The following RACGAP1 variants were observed in gnomAD, a reference collection of about 807,000 sequenced individuals.
The protein encoded by RACGAP1 is Rac GTPase activating protein 1, also known as rac GTPase-activating protein 1.
RACGAP1 carries 30 observed loss-of-function variants against 78.1 expected under a neutral mutation model. The observed-to-expected ratio is 0.38, with a 90% confidence interval of 0.29 to 0.52. RACGAP1 has a LOEUF of 0.52. RACGAP1 is among the 20% of genes least tolerant of loss of function. The pLI, the probability that RACGAP1 is intolerant of heterozygous loss-of-function variation, is 0.82. For missense variants in RACGAP1, 587 were observed against 777.1 expected (o/e 0.76, Z 2.91); for synonymous variants, 231 against 264.8 (o/e 0.87, Z 1.24).
rs1344687920 is a variant in RACGAP1 at position 49,999,244 on chromosome 12, G to A, written c.776C>T (p.Ser259Phe). ...TGTLQPWNSD[S>F]TLNSRQLEPR... The stretch of plus-strand genomic sequence containing the variant: ...CTCCAGCTGCCTGCTGTTCAGGGTG[G>A]AGTCACTGTTCCAAGGTTGTAAAGT... The change falls in exon 9 of 17, where the codon TCC becomes TTC. Residue 259 changes from serine (S) to phenylalanine (F), a missense_variant. Coordinates refer to ENST00000312377, the MANE Select transcript of RACGAP1 (RefSeq NM_001319999.2). 6.2e-7 allele frequency: 1 copy of A among 1,613,962 alleles called. No individual in the cohort carries two copies. The highest frequency in any genetic ancestry group is 8.5e-7 in the Non-Finnish European group (1 of 1,179,986).
At chr12:50,032,880 C>T (rs1334214948) in intron 1 of RACGAP1, 2 of 152,216 alleles carry the variant, frequency 1.3e-5, no homozygotes, top group Non-Finnish European at 2.9e-5. Flanking sequence ...CCCACGCGCT[C>T]CCCCGCGCCC....
At chr12:49,996,668 A>AAAAAAAAAAAAT (rs1948302735) in intron 10 of RACGAP1, among the ~76,000 whole-genome samples, 6 of 129,286 alleles carry the variant, frequency 4.6e-5, no homozygotes, top group African/African-American at 2.3e-4. Flanking sequence ...AAAAAAAAAA[A>AAAAAAAAAAAAT]TGGACACAAG....
chr12:50,011,908 C>G (rs1402647399), intron 2 of RACGAP1, among the ~76,000 whole-genome samples: 11 of 138,690 alleles, frequency 7.9e-5, no homozygotes, highest in Non-Finnish European at 1.5e-4. Context: ...GAGCCGAGAT[C>G]GTGCCACTGT....
intron 6 of RACGAP1, among the ~76,000 whole-genome samples, chr12:50,001,599 C>T (rs895092514): frequency 1.3e-5 from 2 of 152,212 alleles, no homozygotes; most frequent in Non-Finnish European, 2.9e-5. Context: ...ACAGATAGAT[C>T]TCTATATATC....
rs1026686504 is a variant in RACGAP1 at position 50,005,127 on chromosome 12, C to T, written c.425+129G>A. The T allele has an allele frequency of 4.4e-6, 6 of 1,359,334 alleles. No individual in the cohort carries two copies. The Admixed American group carries it at 1.3e-4, about 29-fold the overall frequency. 84.2% of individuals were successfully genotyped at this position (1,359,334 alleles called of 1,614,324 possible). Reference sequence around the variant, plus strand: ...GTGCCTTTATTCCCCACCTACTCTCCCCACAAAATCTTTTTCTGCTTTTTT... The same window carrying T: ...GTGCCTTTATTCCCCACCTACTCTCTCCACAAAATCTTTTTCTGCTTTTTT... On this transcript the variant is annotated intron_variant, in intron 4 of 16. Transcript: ENST00000312377.
intron 1 of RACGAP1, among the ~76,000 whole-genome samples, chr12:50,018,783 C>CT (rs913717072): frequency 6.6e-6 from 1 of 151,286 alleles, no homozygotes; most frequent in Non-Finnish European, 1.5e-5. Context: ...TAAAAAAAAG[C>CT]TTTTTTAGGG....
chr12:50,001,548 T>C (rs1948677253), intron 6 of RACGAP1, among the ~76,000 whole-genome samples: 1 of 152,180 alleles, frequency 6.6e-6, no homozygotes, highest in African/African-American at 2.4e-5. Flanking sequence ...ACTAAGGACA[T>C]GAAGTCTTGG....
chr12:49,995,846 T>C (rs1461904584), intron 10 of RACGAP1, among the ~76,000 whole-genome samples: 1 of 152,186 alleles, frequency 6.6e-6, no homozygotes, highest in Non-Finnish European at 1.5e-5. Flanking sequence ...TGGTTAAATA[T>C]TTGGAAATAA....
At chr12:50,006,137 T>C (rs562679522) in intron 3 of RACGAP1, among the ~76,000 whole-genome samples, 14 of 152,362 alleles carry the variant, frequency 9.2e-5, no homozygotes, top group African/African-American at 3.1e-4. Context: ...ACAGATCAAG[T>C]ACGTTAGGAT....
chr12:50,001,099 T>C, intron 7 of RACGAP1, 73 bp downstream of exon 7: 3 of 1,192,700 alleles, frequency 2.5e-6, no homozygotes, highest in South Asian at 2.6e-5. Flanking sequence ...AAAACAATGC[T>C]GCAATGCTGA....
intron 1 of RACGAP1, among the ~76,000 whole-genome samples, chr12:50,020,640 A>G (rs544620369): frequency 1.3e-5 from 2 of 152,322 alleles, no homozygotes; most frequent in South Asian, 2.1e-4. Flanking sequence ...AGTTACAAAA[A>G]TATCAATTAG....
At chr12:49,996,960 T>G in intron 10 of RACGAP1, 80 bp downstream of exon 10, 1 of 1,383,488 alleles carries the variant, frequency 7.2e-7, no homozygotes, top group Non-Finnish European at 9.4e-7. Flanking sequence ...GATGATTAAT[T>G]TTAGAACAAA....
rs1297440758 is a variant in RACGAP1, at chr12:49,999,782, C to T, written c.631-49G>A. ...AAAGACAAACAAAGAATCTAACTTA[C>T]CCTCCACTATAGGGTATTTTGGAGC... On this transcript the variant is annotated intron_variant, in intron 7 of 16. Coordinates refer to ENST00000312377, the MANE Select transcript of RACGAP1 (RefSeq NM_001319999.2). The T allele has an allele frequency of 1.1e-5, 15 of 1,415,872 alleles. No individual in the cohort carries two copies. In the African/African-American group the frequency reaches 1.1e-4, roughly 11 times the overall value. The allele number at this position is 1,415,872 out of a possible 1,614,324, so 87.7% of individuals were successfully genotyped here.
At chr12:50,000,464 C>T (rs940252353) in intron 7 of RACGAP1, among the ~76,000 whole-genome samples, 4 of 151,948 alleles carry the variant, frequency 2.6e-5, no homozygotes, top group African/African-American at 9.7e-5. Flanking sequence ...CTGAAACATT[C>T]TTATGTTGAA....
chr12:50,005,191 A>G lies in RACGAP1; in HGVS notation c.425+65T>C, dbSNP rs866742654. The G allele has an allele frequency of 7.5e-6, 12 of 1,593,696 alleles. No homozygotes were observed. In the Middle Eastern group the frequency reaches 1.1e-3, roughly 145 times the overall value. On this transcript the variant is annotated intron_variant, in intron 4 of 16. Transcript: ENST00000312377. ...AGAAGAAGTATATTTAAGAATTCAG[A>G]TAACAAGAATATCTGACAGCCTGTG...
Position 49,999,699 on chromosome 12 carries a change from G to A in RACGAP1, c.665C>T (p.Thr222Ile). 2.5e-6 allele frequency: 4 copies of A among 1,614,196 alleles called. No homozygotes were observed. In the East Asian group the frequency reaches 8.9e-5, roughly 36 times the overall value. ...GATGGGCCCGCCATCATTGGGAACA[G>A]TCACTGTAGTTTTTGCAACTATGGA... Reference protein sequence around the residue: ...NESIVAKTTVTVPNDGGPIEA... With the variant: ...NESIVAKTTVIVPNDGGPIEA... The change falls in exon 8 of 17, where the codon ACT becomes ATT. Residue 222 changes from threonine to isoleucine, a missense_variant. Physicochemically the swap from Thr to Ile is moderately conservative, Grantham distance 89. Coordinates refer to ENST00000312377, the MANE Select transcript of RACGAP1 (RefSeq NM_001319999.2).
rs1389665525 is a variant in RACGAP1, at chr12:49,994,523, A to G, written c.1045-14T>C. On this transcript the variant is annotated splice_polypyrimidine_tract_variant and intron_variant, in intron 10 of 16. Coordinates refer to ENST00000312377, the MANE Select transcript of RACGAP1 (RefSeq NM_001319999.2). ...TGCCAGCATTCCCTGGAAAAAAAAA[A>G]GAGCTTTAAATTATTATTTACGCCA... 1.9e-6 allele frequency: 3 copies of G among 1,607,668 alleles called. No individual in the cohort carries two copies. Among genetic ancestry groups the G allele is most frequent in the Non-Finnish European group, 1.7e-6 (2 of 1,178,354 alleles).
At chr12:49,998,737 A>G (rs1337456523) in intron 9 of RACGAP1, among the ~76,000 whole-genome samples, 1 of 151,962 alleles carries the variant, frequency 6.6e-6, no homozygotes, top group Non-Finnish European at 1.5e-5. Context: ...AGTCTCTACA[A>G]AAAATTTAAA....
chr12:50,021,864 G>T (rs1442693347), intron 1 of RACGAP1, among the ~76,000 whole-genome samples: 1 of 152,162 alleles, frequency 6.6e-6, no homozygotes, highest in Non-Finnish European at 1.5e-5. Context: ...CACATTTGAG[G>T]ACAATGTGAG....
Sources: gnomAD v4.1 joint callset for allele counts (sites outside exome capture counted in the v4.1 genomes callset) on GRCh38, gnomAD v4.1.1 for gene constraint, MANE v1.5 for transcripts, NCBI Gene and HGNC (gene_info 2026-07-23, HGNC 2026-07-21) for gene names.